SNED1: variants seen among roughly 807,000 people sequenced by gnomAD.
SNED1 encodes the protein sushi, nidogen and EGF-like domain-containing protein 1.
Under a neutral mutation model 166.7 loss-of-function variants are expected in SNED1, and 81 were observed. The observed-to-expected ratio is 0.49, with a 90% CI of 0.41 to 0.58. SNED1 has a LOEUF of 0.58. Ranked by LOEUF, SNED1 falls within the 20% of genes least tolerant of loss-of-function variation. The pLI, the probability that SNED1 is intolerant of heterozygous loss-of-function variation, is 0.00. For synonymous variants in SNED1, 762 were observed against 822.0 expected, an observed-to-expected ratio of 0.93 and a Z score of 1.25; for missense variants, 1,604 against 2,000.2, an observed-to-expected ratio of 0.80 and a Z score of 3.78.
rs2060028445 is a variant in SNED1 at position 240,999,971 on chromosome 2, C to A, written c.213+921C>A. 6.6e-6 allele frequency among the ~76,000 whole-genome samples: 1 copy of A among 152,146 alleles called. No individual in the cohort carries two copies. Among genetic ancestry groups the A allele is most frequent in the Non-Finnish European group, 1.5e-5 (1 of 68,024 alleles). On this transcript the variant is annotated intron_variant, in intron 1 of 31. Transcript: ENST00000310397. The surrounding 1 kb of genome is among the most constrained non-coding windows in gnomAD (Gnocchi z 5.8). The stretch of plus-strand genomic sequence containing the variant: ...CCGTCACCACGGCCACCTCCACCAT[C>A]AGCCCTCTCATACCCTCGCCCACCT...
Position 241,063,636 on chromosome 2 carries a change from G to C in SNED1, c.2421G>C (p.Arg807Ser). 1 of 1,612,448 alleles carries C rather than the reference G, an allele frequency of 6.2e-7. No homozygotes were observed. The change falls in exon 18 of 32, where the codon AGG becomes AGC. Residue 807 changes from arginine (R) to serine (S), a missense_variant. Coordinates refer to ENST00000310397, the MANE Select transcript of SNED1 (RefSeq NM_001080437.3). ...AHPCRNGGSCRNLPGAYVCRC... is the reference protein window; with the variant it reads ...AHPCRNGGSCSNLPGAYVCRC... ...CGTGCAGAAATGGAGGGTCCTGCAG[G>C]AACCTCCCAGGGGCCTATGTCTGCC...
rs75497441 is a variant in SNED1 at position 241,064,938 on chromosome 2, G to A, written c.2694G>A (p.Thr898=). Residue 898 remains threonine, a synonymous_variant, in exon 20 of 32, where the codon ACG becomes ACA. Coordinates refer to ENST00000310397, the MANE Select transcript of SNED1 (RefSeq NM_001080437.3). This position sits in a 1 kb window ranked among gnomAD's most constrained non-coding sequence, Gnocchi z 7.0. The part of the protein sequence containing the change: ...SHSCTCKVGY[T]GEDCAKELFP... ...GCTGCACCTGCAAAGTGGGCTACAC[G>A]GGCGAGGACTGCGCCAAAGGTGGGT... is the stretch of plus-strand genomic sequence containing the variant. 4,844 of 1,584,468 alleles carry A rather than the reference G, an allele frequency of 3.1e-3. 100 individuals are homozygous for A. In the African/African-American group the frequency reaches 0.054, roughly 18 times the overall value.
chr2:241,038,833 G>A (rs891898382), intron 6 of SNED1, among the ~76,000 whole-genome samples: 7 of 152,290 alleles, frequency 4.6e-5, no homozygotes, highest in Non-Finnish European at 7.4e-5. Context: ...GCCTGGCTGC[G>A]GGAGGACCCA....
At chr2:241,090,370 C>T (rs1352647491) in intron 31 of SNED1, 2 of 1,550,140 alleles carry the variant, frequency 1.3e-6, no homozygotes, top group Non-Finnish European at 1.7e-6. Context: ...ACAATGATGC[C>T]TTCTTCTGGA....
chr2:241,087,838 G>A (rs1337190565), intron 30 of SNED1: 1 of 557,530 alleles, frequency 1.8e-6, no homozygotes, highest in African/African-American at 1.9e-5. Flanking sequence ...TCACACCCAG[G>A]TTCTTTCCAC....
intron 11 of SNED1, 84 bp downstream of exon 11, chr2:241,049,219 C>T (rs756965000): frequency 8.0e-5 from 82 of 1,028,430 alleles, no homozygotes; most frequent in Non-Finnish European, 1.1e-4. Flanking sequence ...AGGCAGAGGC[C>T]AGAGTCCCTA....
intron 4 of SNED1, among the ~76,000 whole-genome samples, chr2:241,034,966 C>T (rs2061300681): frequency 6.7e-6 from 1 of 150,190 alleles, no homozygotes; most frequent in Non-Finnish European, 1.5e-5. Context: ...AGGGAACCCT[C>T]TGGAGACTGT....
chr2:240,997,844 C>T (rs144165172), upstream of SNED1, among the ~76,000 whole-genome samples: 1,768 of 152,264 alleles, frequency 0.012, 109 homozygotes, highest in Admixed American at 0.093. Flanking sequence ...GAGGTGGTCC[C>T]GGCTGAGGCC....
Position 241,040,464 on chromosome 2 carries a change from C to T in SNED1, c.1273+51C>T, listed in dbSNP as rs115290104. 6,261 of 1,177,264 alleles carry T rather than the reference C, an allele frequency of 5.3e-3. 24 individuals carry two copies. The highest frequency in any genetic ancestry group is 6.7e-3 in the Non-Finnish European group (5,578 of 828,400). 72.9% of individuals were successfully genotyped at this position (1,177,264 alleles called of 1,614,324 possible). Reference sequence around the variant, plus strand: ...ACCATGGCTGATGGTGGCTTTGTGCCGTGAACACCCCCATAGCCACTTTCC... The same window carrying T: ...ACCATGGCTGATGGTGGCTTTGTGCTGTGAACACCCCCATAGCCACTTTCC... On this transcript the variant is annotated intron_variant, in intron 8 of 31. Coordinates refer to ENST00000310397, the MANE Select transcript of SNED1 (RefSeq NM_001080437.3).
At chr2:241,066,758 G>A (rs977084482) in intron 21 of SNED1, among the ~76,000 whole-genome samples, 2 of 152,170 alleles carry the variant, frequency 1.3e-5, no homozygotes, top group African/African-American at 2.4e-5. Flanking sequence ...GAGCTCGGCG[G>A]TTCTCACAGG....
intron 14 of SNED1, 85 bp downstream of exon 14, chr2:241,052,242 T>G (rs2061865847): frequency 6.8e-7 from 1 of 1,461,748 alleles, no homozygotes; most frequent in South Asian, 1.2e-5. Flanking sequence ...GCAGGGCTGG[T>G]CCAGGCCCTG....
chr2:241,081,896 A>C, intron 28 of SNED1, 103 bp downstream of exon 28: 1 of 853,164 alleles, frequency 1.2e-6, no homozygotes. Flanking sequence ...CCTCCAAACG[A>C]TGAGGTGCCA....
intron 1 of SNED1, among the ~76,000 whole-genome samples, chr2:241,003,398 G>A (rs1182957412): frequency 6.6e-6 from 1 of 152,216 alleles, no homozygotes; most frequent in Non-Finnish European, 1.5e-5. Context: ...GATGCATGCA[G>A]CAAGATGCCT....
intron 1 of SNED1, among the ~76,000 whole-genome samples, chr2:241,008,522 AG>A (rs1170972052): frequency 6.6e-6 from 1 of 152,194 alleles, no homozygotes; most frequent in Non-Finnish European, 1.5e-5. Context: ...TCCAAGGGCA[AG>A]ACAGGCTGGA....
At position 241,013,324 on chromosome 2, in the gene SNED1, A is replaced by G. The variant is rs1322329942; in HGVS notation, c.213+14274A>G. Reference sequence around the variant, plus strand: ...ATTTTCATTTTATTTATTTTATTTGAGAGACAGGGTCTCACTCTGTCACCA... The same window carrying G: ...ATTTTCATTTTATTTATTTTATTTGGGAGACAGGGTCTCACTCTGTCACCA... On this transcript the variant is annotated intron_variant, in intron 1 of 31. Transcript: ENST00000310397. This position sits in a 1 kb window ranked among gnomAD's most constrained non-coding sequence, Gnocchi z 4.6. Among the ~76,000 whole-genome samples the G allele has an allele frequency of 6.6e-6, 1 of 151,474 alleles. No homozygotes were observed. The highest frequency in any genetic ancestry group is 1.5e-5 in the Non-Finnish European group (1 of 67,846).
intron 1 of SNED1, among the ~76,000 whole-genome samples, chr2:241,011,610 A>T (rs1161305816): frequency 6.6e-6 from 1 of 152,240 alleles, no homozygotes; most frequent in Non-Finnish European, 1.5e-5. Flanking sequence ...GACATGTTTT[A>T]CAAGGTGCTA....
intron 1 of SNED1, among the ~76,000 whole-genome samples, chr2:241,002,115 G>A (rs979869467): frequency 6.6e-6 from 1 of 152,126 alleles, no homozygotes; most frequent in Admixed American, 6.5e-5. Context: ...ACCTTTGCCT[G>A]GTCATTTCCT....
intron 27 of SNED1, chr2:241,074,115 C>CCT (rs1042126462): frequency 6.6e-6 from 1 of 152,254 alleles, no homozygotes; most frequent in African/African-American, 2.4e-5. Context: ...TGGGATCACC[C>CCT]CTCAACCCAA....
At chr2:241,062,280 C>T (rs1337975680) in intron 16 of SNED1, among the ~76,000 whole-genome samples, 1 of 152,156 alleles carries the variant, frequency 6.6e-6, no homozygotes, top group Non-Finnish European at 1.5e-5. Flanking sequence ...CTGCTAGTCC[C>T]AGATGTCACT....
Sources: allele counts gnomAD v4.1 joint callset (sites outside exome capture counted in the v4.1 genomes callset), GRCh38; gene constraint gnomAD v4.1.1; non-coding constraint Gnocchi (gnomAD v3.1); transcripts MANE v1.5; gene names NCBI Gene and HGNC (gene_info 2026-07-23, HGNC 2026-07-21).